The following MAF variants were observed in gnomAD, a reference collection of about 807,000 sequenced individuals.
MAF encodes the protein MAF bZIP transcription factor, also known as transcription factor Maf.
MAF carries 10 observed loss-of-function variants against 22.0 expected under a neutral mutation model. The observed-to-expected ratio is 0.45, with a 90% CI of 0.28 to 0.77. The LOEUF is 0.77. MAF is among the 30% of genes least tolerant of loss of function. The pLI is 0.12. For synonymous variants in MAF, 337 were observed against 255.8 expected (o/e 1.32, Z -3.03); for missense variants, 544 against 548.4 (o/e 0.99, Z 0.08).
chr16:79,598,576 T>A, intron 1 of MAF: 1 of 1,329,334 alleles, frequency 7.5e-7, no homozygotes, highest in Non-Finnish European at 9.5e-7. Flanking sequence ...TCGAGCAGGG[T>A]GTGGGGTGTG....
the MAF span, among the ~76,000 whole-genome samples, chr16:79,278,382 G>A: frequency 9.9e-5 from 15 of 152,192 alleles, no homozygotes; most frequent in Admixed American, 2.6e-4. Context: ...TTCTGGAAGC[G>A]AAATCCCTGT....
chr16:79,313,798 G>A, the MAF span, among the ~76,000 whole-genome samples: 1 of 152,108 alleles, frequency 6.6e-6, no homozygotes, highest in South Asian at 2.1e-4. Context: ...CCAGCCAATA[G>A]ATGTCAAGGG....
At chr16:79,483,310 C>G in the MAF span, among the ~76,000 whole-genome samples, 2 of 128,572 alleles carry the variant, frequency 1.6e-5, no homozygotes, top group Non-Finnish European at 3.3e-5. Flanking sequence ...ATTAAGACCT[C>G]TGTGAACAAA....
At chr16:79,524,062 G>A in the MAF span, among the ~76,000 whole-genome samples, 15 of 152,308 alleles carry the variant, frequency 9.8e-5, no homozygotes, top group East Asian at 2.9e-3. Context: ...AGATACTCAA[G>A]CTTACTCAGG....
the MAF span, among the ~76,000 whole-genome samples, chr16:79,323,270 T>C: frequency 7.4e-6 from 1 of 135,448 alleles, no homozygotes; most frequent in African/African-American, 2.8e-5. Flanking sequence ...GGGGATGACA[T>C]GGAGAGGCTG....
At chr16:79,492,999 T>C in the MAF span, among the ~76,000 whole-genome samples, 4 of 151,856 alleles carry the variant, frequency 2.6e-5, no homozygotes, top group African/African-American at 9.7e-5. Context: ...CACTCTGTCA[T>C]CCAGGCTGGA....
the MAF span, among the ~76,000 whole-genome samples, chr16:79,406,863 G>T: frequency 1.3e-5 from 2 of 152,158 alleles, no homozygotes; most frequent in African/African-American, 2.4e-5. Context: ...GAGGAAGAAA[G>T]AAGACAGTGG....
the MAF span, among the ~76,000 whole-genome samples, chr16:79,443,808 C>T: frequency 1.3e-5 from 2 of 152,162 alleles, no homozygotes; most frequent in Admixed American, 6.5e-5. Flanking sequence ...AATAGTCACA[C>T]CTACCTCACA....
the MAF span, among the ~76,000 whole-genome samples, chr16:79,568,372 T>C: frequency 1.3e-5 from 2 of 152,190 alleles, no homozygotes. Flanking sequence ...AGACCTGGGT[T>C]CAAATTCCTG....
the MAF span, among the ~76,000 whole-genome samples, chr16:79,523,070 G>A: frequency 6.6e-5 from 10 of 152,228 alleles, no homozygotes; most frequent in South Asian, 1.9e-3. Flanking sequence ...TTACCCTCTA[G>A]GTATTTCTCT....
At chr16:79,347,990 C>A in the MAF span, among the ~76,000 whole-genome samples, 2 of 152,204 alleles carry the variant, frequency 1.3e-5, no homozygotes, top group Non-Finnish European at 2.9e-5. Flanking sequence ...GAATTCCACT[C>A]TTTTTAATAT....
At chr16:79,588,354 G>C (rs1300544462) in intron 1 of MAF, among the ~76,000 whole-genome samples, 1 of 152,198 alleles carries the variant, frequency 6.6e-6, no homozygotes, top group African/African-American at 2.4e-5. Context: ...TCTACCAAAG[G>C]ACAGAGTTGA....
At chr16:79,348,347 T>A in the MAF span, among the ~76,000 whole-genome samples, 1 of 152,234 alleles carries the variant, frequency 6.6e-6, no homozygotes, top group African/African-American at 2.4e-5. Flanking sequence ...GTGGACAGGA[T>A]AATGAAGACA....
chr16:79,402,271 CAG>C, the MAF span, among the ~76,000 whole-genome samples: 1 of 152,126 alleles, frequency 6.6e-6, no homozygotes, highest in Non-Finnish European at 1.5e-5. Context: ...ATCTGAAGGA[CAG>C]AAACAATGGG....
the MAF span, among the ~76,000 whole-genome samples, chr16:79,333,145 C>G: frequency 5.9e-5 from 9 of 152,156 alleles, no homozygotes; most frequent in Admixed American, 5.2e-4. Context: ...GATTTCCCAT[C>G]TCAGCGGGTG....
chr16:79,300,724 A>T, the MAF span, among the ~76,000 whole-genome samples: 2 of 152,070 alleles, frequency 1.3e-5, no homozygotes, highest in South Asian at 4.1e-4. Flanking sequence ...GAGACAAAAA[A>T]AATTCATTTA....
the MAF span, among the ~76,000 whole-genome samples, chr16:79,580,293 A>C: frequency 2.6e-5 from 4 of 152,180 alleles, no homozygotes; most frequent in African/African-American, 9.7e-5. Flanking sequence ...TGTTGCCCTT[A>C]GACTAGGGTC....
chr16:79,578,673 C>T, the MAF span, among the ~76,000 whole-genome samples: 1 of 152,108 alleles, frequency 6.6e-6, no homozygotes, highest in African/African-American at 2.4e-5. Context: ...TTTAAAAAGC[C>T]ATCCGTCCAA....
chr16:79,376,182 A>T, the MAF span, among the ~76,000 whole-genome samples: 1 of 151,924 alleles, frequency 6.6e-6, no homozygotes, highest in Non-Finnish European at 1.5e-5. Context: ...TAAGATTCTA[A>T]TTTTAGTTTG....
Sources: gnomAD v4.1 joint callset for allele counts (sites outside exome capture counted in the v4.1 genomes callset) on GRCh38, gnomAD v4.1.1 for gene constraint, MANE v1.5 for transcripts, NCBI Gene and HGNC (gene_info 2026-07-23, HGNC 2026-07-21) for gene names.